Variants in PTPRB observed in about 807,000 individuals in gnomAD.
The protein encoded by PTPRB is protein tyrosine phosphatase receptor type B.
PTPRB carries 97 observed loss-of-function variants against 238.1 expected under a neutral mutation model. That is an observed-to-expected ratio of 0.41 (90% CI 0.35 to 0.48). PTPRB has a LOEUF of 0.48. PTPRB is among the 20% of genes least tolerant of loss of function. The probability of loss-of-function intolerance (pLI) is 0.30; values close to 1 mark genes in which losing one functional copy is unlikely to be tolerated. For synonymous variants in PTPRB, 970 were observed against 995.4 expected, an observed-to-expected ratio of 0.97 and a Z score of 0.48; for missense variants, 2,292 against 2,681.9, an observed-to-expected ratio of 0.85 and a Z score of 3.21.
Position 70,566,540 on chromosome 12 carries a change from G to T in PTPRB, c.3799C>A (p.Gln1267Lys). The T allele has an allele frequency of 1.2e-6, 2 of 1,613,984 alleles. No individual in the cohort carries two copies. The highest frequency in any genetic ancestry group is 2.2e-5 in the East Asian group (1 of 44,882). Reference sequence around the variant, plus strand: ...GGTGTTAGATCTTCAAATTTGTGTTGCTTAGTGGTGGCTGGCTCTGATGTG... The same window carrying T: ...GGTGTTAGATCTTCAAATTTGTGTTTCTTAGTGGTGGCTGGCTCTGATGTG... Reference protein sequence around the residue: ...RNTSEPATTKQHKFEDLTPGK... With the variant: ...RNTSEPATTKKHKFEDLTPGK... Residue 1267 changes from glutamine to lysine, a missense_variant, in exon 15 of 34, where the codon CAA becomes AAA. Physicochemically the swap from Gln to Lys is moderately conservative, Grantham distance 53 (BLOSUM62 1). This residue lies in a region of PTPRB where 683 missense variants were observed against 862.0 expected (regional missense o/e 0.79). Transcript: ENST00000334414.
intron 3 of PTPRB, chr12:70,609,736 T>A: frequency 5.8e-6 from 9 of 1,549,296 alleles, no homozygotes; most frequent in Non-Finnish European, 7.0e-6. Flanking sequence ...GCGCATCAGC[T>A]CTGACCCCTT....
intron 21 of PTPRB, 37 bp downstream of exon 21, chr12:70,552,740 A>T: frequency 6.2e-7 from 1 of 1,610,418 alleles, no homozygotes; most frequent in Non-Finnish European, 8.5e-7. Flanking sequence ...GTAATGTAGC[A>T]TGTCCCTTCT....
chr12:70,520,188 A>AT lies in PTPRB; in HGVS notation c.*1300dup. ...AAGATTCCGTACAAACTCCTTTCAA[A>AT]TTTTTCCCAGGAATGCTGTCGGAAC... On this transcript the variant is annotated 3_prime_UTR_variant, in exon 34 of 34. Coordinates refer to ENST00000334414, the MANE Select transcript of PTPRB (RefSeq NM_001109754.4). 2.1e-6 allele frequency: 1 copy of AT among 476,990 alleles called. No homozygotes were observed. Among genetic ancestry groups the AT allele is most frequent in the Non-Finnish European group, 4.2e-6 (1 of 236,956 alleles). The allele number at this position is 476,990 out of a possible 1,614,324, so 29.5% of individuals were successfully genotyped here.
At chr12:70,595,847 T>G (rs1882962939) in intron 5 of PTPRB, among the ~76,000 whole-genome samples, 1 of 152,166 alleles carries the variant, frequency 6.6e-6, no homozygotes, top group Non-Finnish European at 1.5e-5. Context: ...TCAAAACCAC[T>G]CAACAAGTTA....
chr12:70,594,940 G>A (rs1882856783), intron 5 of PTPRB, among the ~76,000 whole-genome samples: 2 of 152,106 alleles, frequency 1.3e-5, no homozygotes, highest in South Asian at 4.1e-4. Context: ...TAATTTACTT[G>A]TCTGCCTCCC....
chr12:70,562,497 G>T (rs1016730178), intron 16 of PTPRB, among the ~76,000 whole-genome samples: 6 of 152,032 alleles, frequency 3.9e-5, no homozygotes, highest in African/African-American at 1.4e-4. Context: ...TCTCCTCTCC[G>T]TCTATTTCTT....
rs1873368042 is a variant in PTPRB, at chr12:70,532,242, T to C, written c.6369-72A>G. On this transcript the variant is annotated intron_variant, in intron 31 of 33. Coordinates refer to ENST00000334414, the MANE Select transcript of PTPRB (RefSeq NM_001109754.4). ...CTTTCAAGATTGCATCTAGAGACTC[T>C]GGCACAATCTTTTTTTTCCCTTCCC... is the stretch of plus-strand genomic sequence containing the variant. 4 of 1,450,570 alleles carry C rather than the reference T, an allele frequency of 2.8e-6. No homozygotes were observed. In the South Asian group the frequency reaches 4.4e-5, roughly 16 times the overall value. 89.9% of individuals were successfully genotyped at this position (1,450,570 alleles called of 1,614,324 possible). A position where few individuals can be genotyped will look rare whatever the true frequency, so the allele number is the denominator to read the frequency against.
chr12:70,572,200 T>A, intron 11 of PTPRB, 113 bp from the exon 12 acceptor site: 1 of 1,159,498 alleles, frequency 8.6e-7, no homozygotes, highest in Non-Finnish European at 1.2e-6. Flanking sequence ...TGTGTGCATT[T>A]AAAAGAAAAA....
At chr12:70,549,483 C>T (rs2136288568) in intron 21 of PTPRB, among the ~76,000 whole-genome samples, 1 of 152,272 alleles carries the variant, frequency 6.6e-6, no homozygotes, top group East Asian at 1.9e-4. Context: ...CATAGGAACC[C>T]AACAATGAAT....
In PTPRB at chr12:70,581,136, G is replaced by T; in HGVS notation, c.2478C>A (p.Tyr826Ter). ...TGCCGGACTTGAGAGAGTGGAAGCT[G>T]TATCTGCTGGTCTCACTGGAGATGC... ...NESISSETSR[Y>*]SFHSLKSGSL... Residue 826 changes from tyrosine to a stop codon, truncating the protein, a stop_gained, in exon 10 of 34, where the codon TAC (tyrosine) becomes TAA (stop). Transcript: ENST00000334414. LOFTEE classifies it high-confidence loss of function. The T allele has an allele frequency of 6.2e-7, 1 of 1,613,984 alleles. No individual in the cohort carries two copies. Among genetic ancestry groups the T allele is most frequent in the Non-Finnish European group, 8.5e-7 (1 of 1,179,874 alleles).
chr12:70,614,645 A>G (rs1365476821), intron 3 of PTPRB, among the ~76,000 whole-genome samples: 1 of 152,212 alleles, frequency 6.6e-6, no homozygotes, highest in Non-Finnish European at 1.5e-5. Flanking sequence ...ACATAAGGCC[A>G]GTTTGATACC....
chr12:70,538,752 C>T (rs999617013), intron 27 of PTPRB, 172 bp downstream of exon 27: 17 of 610,372 alleles, frequency 2.8e-5, no homozygotes, highest in Non-Finnish European at 4.3e-5. Flanking sequence ...GGCTATTATC[C>T]CTCTGGAGGG....
chr12:70,593,212 C>T, intron 6 of PTPRB, among the ~76,000 whole-genome samples: 1 of 152,046 alleles, frequency 6.6e-6, no homozygotes, highest in East Asian at 1.9e-4. Context: ...ATTAATGAAG[C>T]TTCCTTAACA....
At position 70,539,724 on chromosome 12, in the gene PTPRB, A is replaced by G. The variant is rs371470203; in HGVS notation, c.5697-18T>C. 2.7e-5 allele frequency: 43 copies of G among 1,602,004 alleles called. No individual in the cohort carries two copies. In the African/African-American group the frequency reaches 4.4e-4, roughly 16 times the overall value. On this transcript the variant is annotated intron_variant, in intron 25 of 33. Coordinates refer to ENST00000334414, the MANE Select transcript of PTPRB (RefSeq NM_001109754.4). ...TTATTGGACTGTAATTAAAAATGAA[A>G]CAAACAGAAAAGAGTTACTGCAGAA...
chr12:70,534,966 A>G lies in PTPRB; in HGVS notation c.6082-11T>C, dbSNP rs191977132. 1.1e-5 allele frequency: 18 copies of G among 1,603,992 alleles called. No individual in the cohort carries two copies. The East Asian group carries it at 4.0e-4, about 36-fold the overall frequency. ...ATGATCACACTTTACCTAGAACAGG[A>G]CAGACAGAAAAAACATGAGTCCGGA... On this transcript the variant is annotated splice_polypyrimidine_tract_variant and intron_variant, in intron 29 of 33. Transcript: ENST00000334414.
At chr12:70,554,362 T>C (rs1877335503) in intron 20 of PTPRB, among the ~76,000 whole-genome samples, 1 of 152,208 alleles carries the variant, frequency 6.6e-6, no homozygotes, top group Non-Finnish European at 1.5e-5. Context: ...ACTATATTAA[T>C]GTCATTCCAG....
intron 14 of PTPRB, among the ~76,000 whole-genome samples, chr12:70,566,983 G>A (rs1879387156): frequency 6.6e-6 from 1 of 152,182 alleles, no homozygotes; most frequent in Non-Finnish European, 1.5e-5. Flanking sequence ...TAAATATGCA[G>A]AGTGGTGCAT....
intron 2 of PTPRB, among the ~76,000 whole-genome samples, chr12:70,624,113 A>C (rs12580264): frequency 0.055 from 8,335 of 152,270 alleles, 509 homozygotes; most frequent in East Asian, 0.32. Context: ...GGATTTAGCA[A>C]ATAAAAATAC....
intron 13 of PTPRB, among the ~76,000 whole-genome samples, chr12:70,570,378 T>A (rs113343270): frequency 6.6e-6 from 1 of 152,122 alleles, no homozygotes; most frequent in Non-Finnish European, 1.5e-5. Context: ...GTAGGGTCTC[T>A]GTCTGTTGTC....
Sources: gnomAD v4.1 joint callset for allele counts (sites outside exome capture counted in the v4.1 genomes callset) on GRCh38, gnomAD v4.1.1 for gene constraint, gnomAD v4.1.1 regional missense constraint, MANE v1.5 for transcripts, NCBI Gene and HGNC (gene_info 2026-07-23, HGNC 2026-07-21) for gene names.